Variants in HMGA2 observed in about 807,000 individuals in gnomAD.
HMGA2 encodes high mobility group AT-hook 2.
HMGA2 carries 8 observed loss-of-function variants against 19.1 expected under a neutral mutation model. The observed-to-expected ratio is 0.42, with a 90% CI of 0.25 to 0.76. HMGA2 has a LOEUF of 0.76. Ranked by LOEUF, HMGA2 falls within the 30% of genes least tolerant of loss-of-function variation. The pLI is 0.28. For synonymous variants in HMGA2, 60 were observed against 48.8 expected (o/e 1.23, Z -0.96); for missense variants, 109 against 136.3 (o/e 0.80, Z 1.00).
intron 3 of HMGA2, among the ~76,000 whole-genome samples, chr12:65,940,299 T>A (rs1172517481): frequency 6.6e-6 from 1 of 152,168 alleles, no homozygotes; most frequent in African/African-American, 2.4e-5. Context: ...TTTATAGAAA[T>A]CTAGTGAGAA....
At chr12:65,879,666 T>C (rs1873258171) in intron 3 of HMGA2, among the ~76,000 whole-genome samples, 1 of 152,192 alleles carries the variant, frequency 6.6e-6, no homozygotes, top group Non-Finnish European at 1.5e-5. Context: ...CTAGATGCTA[T>C]ACTTCTCAAA....
At chr12:65,948,313 C>T (rs1876336021) in intron 3 of HMGA2, 3 of 152,142 alleles carry the variant, frequency 2.0e-5, no homozygotes, top group Non-Finnish European at 4.4e-5. Context: ...TTATTCAGGT[C>T]TTATAAAACT....
chr12:65,865,581 T>C (rs1013783810), intron 3 of HMGA2, among the ~76,000 whole-genome samples: 2 of 151,962 alleles, frequency 1.3e-5, no homozygotes, highest in Non-Finnish European at 1.5e-5. Flanking sequence ...ATTTCTCCAG[T>C]GTCAAGATGG....
At chr12:65,944,789 T>C (rs1210629173) in intron 3 of HMGA2, among the ~76,000 whole-genome samples, 1 of 152,300 alleles carries the variant, frequency 6.6e-6, no homozygotes, top group Admixed American at 6.5e-5. Context: ...ACGGGGTGAA[T>C]GCTATGAAGA....
At chr12:65,879,541 G>A (rs1873247618) in intron 3 of HMGA2, among the ~76,000 whole-genome samples, 1 of 152,164 alleles carries the variant, frequency 6.6e-6, no homozygotes, top group South Asian at 2.1e-4. Context: ...GAGAACAAGA[G>A]TATGTACCAA....
chr12:65,923,303 C>G (rs1260802750), intron 3 of HMGA2, among the ~76,000 whole-genome samples: 1 of 152,218 alleles, frequency 6.6e-6, no homozygotes, highest in Non-Finnish European at 1.5e-5. Flanking sequence ...TCCTTTCCCA[C>G]TCCCAAAGGA....
At chr12:65,917,685 G>A (rs935467202) in intron 3 of HMGA2, among the ~76,000 whole-genome samples, 1 of 152,166 alleles carries the variant, frequency 6.6e-6, no homozygotes, top group Non-Finnish European at 1.5e-5. Flanking sequence ...GAAGGAAAGA[G>A]CAGTAAGAAC....
chr12:65,956,872 C>A (rs532876239), intron 4 of HMGA2: 18 of 152,282 alleles, frequency 1.2e-4, no homozygotes, highest in African/African-American at 4.3e-4. Flanking sequence ...TATAATCTTT[C>A]TTCTTACTCT....
At chr12:65,826,802 A>C (rs1870229695) in intron 1 of HMGA2, 1 of 151,798 alleles carries the variant, frequency 6.6e-6, no homozygotes, top group Non-Finnish European at 1.5e-5. Context: ...AAAAATCCAA[A>C]AGAAATTACA....
At chr12:65,828,806 C>T (rs1447238157) in intron 2 of HMGA2, 2 of 152,684 alleles carry the variant, frequency 1.3e-5, no homozygotes, top group South Asian at 2.1e-4. Context: ...GAATGGAACC[C>T]AGTTAAGTGT....
chr12:65,937,081 C>T (rs929707797), intron 3 of HMGA2, among the ~76,000 whole-genome samples: 7 of 152,188 alleles, frequency 4.6e-5, no homozygotes, highest in African/African-American at 1.7e-4. Flanking sequence ...AGAGCAACTA[C>T]AATCAAAGAT....
At chr12:65,860,693 T>C (rs1038357179) in intron 3 of HMGA2, among the ~76,000 whole-genome samples, 1 of 152,220 alleles carries the variant, frequency 6.6e-6, no homozygotes, top group Non-Finnish European at 1.5e-5. Context: ...ACTGCGTAAT[T>C]GGAAGTTTTT....
intron 3 of HMGA2, among the ~76,000 whole-genome samples, chr12:65,845,440 TG>T (rs1257454601): frequency 3.9e-5 from 6 of 152,244 alleles, no homozygotes; most frequent in African/African-American, 1.4e-4. Flanking sequence ...GGCTAATTTT[TG>T]TTTTTTTAGT....
At chr12:65,904,371 A>G (rs998978663) in intron 3 of HMGA2, among the ~76,000 whole-genome samples, 1 of 152,210 alleles carries the variant, frequency 6.6e-6, no homozygotes, top group African/African-American at 2.4e-5. Context: ...GCACTACACA[A>G]TTATCAGTAT....
At chr12:65,939,095 AC>A (rs76339381) in intron 3 of HMGA2, among the ~76,000 whole-genome samples, 87 of 152,222 alleles carry the variant, frequency 5.7e-4, no homozygotes, top group East Asian at 5.6e-3. Flanking sequence ...TTAGTTGGAA[AC>A]CTTTTTTGAA....
intron 3 of HMGA2, among the ~76,000 whole-genome samples, chr12:65,886,572 T>A (rs551863585): frequency 6.6e-6 from 1 of 152,200 alleles, no homozygotes; most frequent in African/African-American, 2.4e-5. Flanking sequence ...TTGGCCAGGC[T>A]GGTCTCGAAC....
intron 3 of HMGA2, among the ~76,000 whole-genome samples, chr12:65,939,792 A>G (rs558778810): frequency 6.6e-6 from 1 of 152,358 alleles, no homozygotes; most frequent in South Asian, 2.1e-4. Context: ...GAACACAGAG[A>G]CCATACTGGA....
In HMGA2 at chr12:65,951,445, C is replaced by T. The variant is rs376518843; in HGVS notation, c.282+30C>T. 253 of 1,399,316 alleles carry T rather than the reference C, an allele frequency of 1.8e-4. No homozygotes were observed. In the Middle Eastern group the frequency reaches 2.3e-3, roughly 13 times the overall value. 86.7% of individuals were successfully genotyped at this position (1,399,316 alleles called of 1,614,324 possible). On this transcript the variant is annotated intron_variant, in intron 4 of 4. Transcript: ENST00000403681. ...GACATAGTCATTAATTTTTTTCTCC[C>T]AATTAATATAAAAAGTGAAATATGT...
intron 3 of HMGA2, among the ~76,000 whole-genome samples, chr12:65,938,075 G>T (rs982989282): frequency 4.6e-5 from 7 of 152,110 alleles, no homozygotes. Context: ...CATGAAATCT[G>T]CAGGGACTGT....
Sources: gnomAD v4.1 joint callset for allele counts (sites outside exome capture counted in the v4.1 genomes callset) on GRCh38, gnomAD v4.1.1 for gene constraint, MANE v1.5 for transcripts, NCBI Gene and HGNC (gene_info 2026-07-23, HGNC 2026-07-21) for gene names.